APIP: variants seen among roughly 807,000 people sequenced by gnomAD.
APIP encodes the protein APAF1 interacting protein.
In APIP, 32 loss-of-function variants were observed where a neutral mutation model predicts 32.0. The observed-to-expected ratio is 1.00, with a 90% CI of 0.76 to 1.34. The LOEUF is 1.34. APIP is among the 40% of genes most tolerant of loss of function. The pLI is 0.00. For missense variants in APIP, 247 were observed against 298.6 expected (o/e 0.83, Z 1.27); for synonymous variants, 92 against 94.8 (o/e 0.97, Z 0.17).
In APIP at chr11:34,888,427, T is replaced by C. The variant is rs773867951; in HGVS notation, c.327A>G (p.Gly109=). ...AGTGGGTATGAATCACTGCACCTGC[T>C]CCTGAAGGAGGAAGAAGAAAGCCGC... The part of the protein sequence containing the change: ...PLFMNAYTMR[G]AGAVIHTHSK... Residue 109 remains glycine (G), a splice_region_variant and synonymous_variant, in exon 5 of 7, where the codon GGA becomes GGG. Coordinates refer to ENST00000395787, the MANE Select transcript of APIP (RefSeq NM_015957.4). The C allele has an allele frequency of 3.7e-6, 6 of 1,604,726 alleles. No homozygotes were observed. Among genetic ancestry groups the C allele is most frequent in the Admixed American group, 1.7e-5 (1 of 57,588 alleles).
intron 1 of APIP, among the ~76,000 whole-genome samples, chr11:34,910,713 C>A (rs146694695): frequency 6.6e-6 from 1 of 151,922 alleles, no homozygotes; most frequent in African/African-American, 2.4e-5. Context: ...TTTTCTAAAG[C>A]CTTTATATGG....
intron 1 of APIP, among the ~76,000 whole-genome samples, chr11:34,911,789 G>A (rs755063172): frequency 4.6e-5 from 7 of 152,082 alleles, no homozygotes; most frequent in Admixed American, 4.6e-4. Flanking sequence ...TATTCTCCAT[G>A]AAGTCTTCCA....
intron 5 of APIP, among the ~76,000 whole-genome samples, chr11:34,887,858 C>T (rs545894132): frequency 6.6e-6 from 1 of 152,078 alleles, no homozygotes; most frequent in East Asian, 1.9e-4. Flanking sequence ...TAGAGATCTA[C>T]TTTATTAAAA....
chr11:34,897,099 C>T (rs1438849773), intron 1 of APIP, among the ~76,000 whole-genome samples: 1 of 152,228 alleles, frequency 6.6e-6, no homozygotes, highest in East Asian at 1.9e-4. Context: ...TTCTCAGCTA[C>T]TTAGCTGAAT....
At chr11:34,905,143 T>C (rs1346933199) in intron 1 of APIP, among the ~76,000 whole-genome samples, 1 of 152,244 alleles carries the variant, frequency 6.6e-6, no homozygotes, top group Non-Finnish European at 1.5e-5. Flanking sequence ...TACTGTAGCA[T>C]TCTGCTTAAT....
chr11:34,910,398 T>C (rs150019070), intron 1 of APIP, among the ~76,000 whole-genome samples: 1 of 152,278 alleles, frequency 6.6e-6, no homozygotes, highest in Non-Finnish European at 1.5e-5. Flanking sequence ...AGTGTTGCTA[T>C]AAAGAAGGGC....
At chr11:34,915,671 AC>A (rs1853661980) in intron 1 of APIP, among the ~76,000 whole-genome samples, 1 of 152,198 alleles carries the variant, frequency 6.6e-6, no homozygotes, top group Non-Finnish European at 1.5e-5. Context: ...TTTCCCTTTG[AC>A]TTCGGCTTAA....
intron 1 of APIP, among the ~76,000 whole-genome samples, chr11:34,907,274 AT>A (rs1479043178): frequency 6.6e-6 from 1 of 152,236 alleles, no homozygotes; most frequent in Non-Finnish European, 1.5e-5. Context: ...TTTTAACTAC[AT>A]TTTAAAGTAC....
intron 1 of APIP, among the ~76,000 whole-genome samples, chr11:34,903,931 C>T (rs752217498): frequency 6.6e-6 from 1 of 152,208 alleles, no homozygotes; most frequent in Non-Finnish European, 1.5e-5. Flanking sequence ...AACTTATCAA[C>T]GTGCCCAGAG....
At chr11:34,885,433 C>T (rs1853050404) in intron 5 of APIP, among the ~76,000 whole-genome samples, 1 of 151,530 alleles carries the variant, frequency 6.6e-6, no homozygotes, top group Admixed American at 6.6e-5. Context: ...ACAAAGGGGG[C>T]GAACGTGGGA....
chr11:34,913,565 G>A (rs774174304), intron 1 of APIP, among the ~76,000 whole-genome samples: 13 of 152,314 alleles, frequency 8.5e-5, no homozygotes, highest in Admixed American at 3.3e-4. Flanking sequence ...GAATGAAGCC[G>A]CAGACCTTCG....
chr11:34,883,947 A>G (rs191070332), intron 5 of APIP, among the ~76,000 whole-genome samples: 189 of 152,342 alleles, frequency 1.2e-3, no homozygotes, highest in Non-Finnish European at 2.2e-3. Context: ...GCAGAATCCC[A>G]AAGTATCTGA....
intron 1 of APIP, among the ~76,000 whole-genome samples, chr11:34,912,846 C>A (rs999355495): frequency 6.6e-6 from 1 of 152,112 alleles, no homozygotes; most frequent in Non-Finnish European, 1.5e-5. Flanking sequence ...TATATATATT[C>A]CATTAGTTCT....
chr11:34,893,935 TAAAG>T (rs1454060251), intron 2 of APIP, among the ~76,000 whole-genome samples: 1 of 152,208 alleles, frequency 6.6e-6, no homozygotes, highest in Non-Finnish European at 1.5e-5. Flanking sequence ...CCAATTTTGT[TAAAG>T]AAAGTGAATT....
intron 1 of APIP, among the ~76,000 whole-genome samples, chr11:34,912,449 C>T (rs1410960104): frequency 1.3e-5 from 2 of 152,116 alleles, no homozygotes; most frequent in Non-Finnish European, 2.9e-5. Context: ...AAGCAATACC[C>T]AGTGTGATGG....
chr11:34,901,225 C>T (rs2915215), intron 1 of APIP, among the ~76,000 whole-genome samples: 56,818 of 151,902 alleles, frequency 0.37, 11,115 homozygotes, highest in East Asian at 0.74. Context: ...TAGCTGTTAT[C>T]GATGTGGCAA....
Position 34,890,322 on chromosome 11 carries a change from C to T in APIP, c.207+182G>A, listed in dbSNP as rs929602216. On this transcript the variant is annotated intron_variant, in intron 3 of 6. Transcript: ENST00000395787. Reference sequence around the variant, plus strand: ...GTTGAATGAGATTTCAAAACATACACCGGTTGTATGGAAGATATCTACCAC... The same window carrying T: ...GTTGAATGAGATTTCAAAACATACATCGGTTGTATGGAAGATATCTACCAC... 2.0e-5 allele frequency among the ~76,000 whole-genome samples: 3 copies of T among 152,228 alleles called. No individual in the cohort carries two copies. In the South Asian group the frequency reaches 6.2e-4, roughly 32 times the overall value.
chr11:34,883,645 C>A (rs1372542370), intron 5 of APIP, 141 bp from the exon 6 acceptor site: 2 of 770,668 alleles, frequency 2.6e-6, no homozygotes, highest in Non-Finnish European at 4.1e-6. Context: ...CAGGATGTTG[C>A]GTGTTATTCT....
intron 1 of APIP, among the ~76,000 whole-genome samples, chr11:34,912,329 G>C (rs1311612641): frequency 1.3e-5 from 2 of 152,182 alleles, no homozygotes; most frequent in Non-Finnish European, 2.9e-5. Flanking sequence ...TCAGAAAAGA[G>C]TGTCTATCAA....
Sources: gnomAD v4.1 joint callset for allele counts (sites outside exome capture counted in the v4.1 genomes callset) on GRCh38, gnomAD v4.1.1 for gene constraint, MANE v1.5 for transcripts, NCBI Gene and HGNC (gene_info 2026-07-23, HGNC 2026-07-21) for gene names.